Variants in ANKFY1 observed in about 807,000 individuals in gnomAD.
ANKFY1 encodes the protein ankyrin repeat and FYVE domain-containing protein 1.
A neutral mutation model predicts 128.3 loss-of-function variants in ANKFY1; 47 were observed. The ratio of observed to expected loss-of-function variants is 0.37; its 90% CI spans 0.29 to 0.47. The LOEUF (loss-of-function observed/expected upper bound fraction) is 0.47, where lower values mean the gene tolerates loss of function less well. ANKFY1 is among the 20% of genes least tolerant of loss of function. The pLI is 1.00. For missense variants in ANKFY1, 1,222 were observed against 1,510.6 expected (o/e 0.81, Z 3.17); for synonymous variants, 553 against 601.6 (o/e 0.92, Z 1.18).
chr17:4,239,706 T>C (rs554148973), intron 2 of ANKFY1, among the ~76,000 whole-genome samples: 32 of 152,068 alleles, frequency 2.1e-4, no homozygotes, highest in African/African-American at 7.2e-4. Flanking sequence ...ATGTGGCTAA[T>C]TTTTGTATTT....
At chr17:4,261,822 C>T (rs1389870613) in intron 1 of ANKFY1, among the ~76,000 whole-genome samples, 1 of 152,236 alleles carries the variant, frequency 6.6e-6, no homozygotes, top group Non-Finnish European at 1.5e-5. Context: ...CAGACTACCC[C>T]TTACCTCACA....
chr17:4,206,650 C>T (rs950325787), intron 6 of ANKFY1, among the ~76,000 whole-genome samples, 164 bp from the exon 7 acceptor site: 2 of 152,164 alleles, frequency 1.3e-5, no homozygotes, highest in African/African-American at 4.8e-5. Context: ...AAACTTCTAT[C>T]AGGCTTCCTC....
intron 10 of ANKFY1, among the ~76,000 whole-genome samples, chr17:4,193,264 T>C (rs1322328455): frequency 2.0e-5 from 3 of 152,158 alleles, no homozygotes; most frequent in African/African-American, 7.2e-5. Context: ...TTTGTTTGTT[T>C]GTTTTTTAAG....
At chr17:4,186,797 G>A (rs527510236) in intron 11 of ANKFY1, 6 of 988,178 alleles carry the variant, frequency 6.1e-6, no homozygotes, top group East Asian at 2.2e-4. Context: ...TCTACTCCAC[G>A]GCTTCTGCCA....
chr17:4,171,011 T>C, intron 22 of ANKFY1, 150 bp from the exon 23 acceptor site: 1 of 1,002,514 alleles, frequency 1.0e-6, no homozygotes, highest in Non-Finnish European at 1.5e-6. Flanking sequence ...GCCCCGAGGC[T>C]CTGGAGAGAA....
chr17:4,250,642 GTGTT>G, intron 1 of ANKFY1, among the ~76,000 whole-genome samples: 1 of 150,134 alleles, frequency 6.7e-6, no homozygotes, highest in African/African-American at 2.5e-5. Context: ...CCAGCAAACT[GTGTT>G]TGTAGAATTT....
At position 4,184,617 on chromosome 17, in the gene ANKFY1, C is replaced by G. The variant is rs1037805281; in HGVS notation, c.1699+201G>C. On this transcript the variant is annotated intron_variant, in intron 12 of 24. Transcript: ENST00000341657. ...TAACCTAACAAATGAAATGGGCAGGCCCCATCCTGAAAACACACACAGGGA... is the reference window on the plus strand; with the variant it reads ...TAACCTAACAAATGAAATGGGCAGGGCCCATCCTGAAAACACACACAGGGA... Among the ~76,000 whole-genome samples the G allele has an allele frequency of 2.0e-5, 3 of 152,206 alleles. No homozygotes were observed. In the South Asian group the frequency reaches 6.2e-4, roughly 32 times the overall value.
intron 4 of ANKFY1, among the ~76,000 whole-genome samples, chr17:4,212,476 C>G (rs1055520455): frequency 1.3e-5 from 2 of 152,218 alleles, no homozygotes; most frequent in African/African-American, 4.8e-5. Context: ...ACACTCAGCA[C>G]AGCTTGAGGT....
intron 3 of ANKFY1, chr17:4,223,899 G>A (rs938002757): frequency 4.9e-5 from 32 of 653,410 alleles, no homozygotes; most frequent in African/African-American, 7.3e-5. Flanking sequence ...CTAACACCAC[G>A]CCAACAGAAG....
intron 1 of ANKFY1, among the ~76,000 whole-genome samples, chr17:4,247,556 T>C (rs1341104287): frequency 1.3e-5 from 2 of 152,194 alleles, no homozygotes; most frequent in African/African-American, 2.4e-5. Flanking sequence ...GCTACTTCAA[T>C]TGCCATACCA....
intron 1 of ANKFY1, among the ~76,000 whole-genome samples, chr17:4,260,372 T>C (rs1001924845): frequency 1.3e-5 from 2 of 152,092 alleles, no homozygotes; most frequent in African/African-American, 4.8e-5. Flanking sequence ...ATCCCAGCAC[T>C]TCAGGAGGCC....
At chr17:4,172,446 C>A in intron 22 of ANKFY1, 110 bp downstream of exon 22, 1 of 1,453,946 alleles carries the variant, frequency 6.9e-7, no homozygotes, top group East Asian at 2.3e-5. Flanking sequence ...CCCAACAGAA[C>A]TGTTCTGCGA....
intron 3 of ANKFY1, among the ~76,000 whole-genome samples, chr17:4,229,588 A>G (rs1310793479): frequency 6.6e-6 from 1 of 152,262 alleles, no homozygotes; most frequent in Non-Finnish European, 1.5e-5. Context: ...CAAATCTGCA[A>G]TAAGCCAACA....
chr17:4,250,415 C>T (rs1967765384), intron 1 of ANKFY1, among the ~76,000 whole-genome samples: 1 of 152,084 alleles, frequency 6.6e-6, no homozygotes, highest in South Asian at 2.1e-4. Context: ...TAATAGTATA[C>T]CAAACATACA....
intron 1 of ANKFY1, among the ~76,000 whole-genome samples, chr17:4,262,547 C>G (rs1267295204): frequency 6.6e-6 from 1 of 152,102 alleles, no homozygotes; most frequent in Non-Finnish European, 1.5e-5. Flanking sequence ...CTAGCGCGAG[C>G]CACCACACGG....
At chr17:4,241,489 C>G (rs1285906930) in intron 2 of ANKFY1, among the ~76,000 whole-genome samples, 2 of 151,350 alleles carry the variant, frequency 1.3e-5, no homozygotes, top group Non-Finnish European at 2.9e-5. Context: ...ACCATGTTAG[C>G]CAGGATGATC....
intron 11 of ANKFY1, chr17:4,188,706 C>T (rs1428564616): frequency 1.3e-5 from 2 of 151,956 alleles, no homozygotes; most frequent in African/African-American, 4.8e-5. Context: ...AGATATTATG[C>T]TAATAAGCAT....
At chr17:4,212,028 A>G (rs1423672031) in intron 4 of ANKFY1, among the ~76,000 whole-genome samples, 1 of 152,222 alleles carries the variant, frequency 6.6e-6, no homozygotes, top group Non-Finnish European at 1.5e-5. Flanking sequence ...TGGCATTGGA[A>G]AGACCACACT....
At chr17:4,216,955 G>A (rs780629381) in intron 4 of ANKFY1, 28 bp downstream of exon 4, 14 of 1,613,520 alleles carry the variant, frequency 8.7e-6, no homozygotes, top group Admixed American at 6.7e-5. Context: ...ACCATCTGAG[G>A]TGCTTGAATA....
Sources: allele counts gnomAD v4.1 joint callset (sites outside exome capture counted in the v4.1 genomes callset), GRCh38; gene constraint gnomAD v4.1.1; transcripts MANE v1.5; gene names NCBI Gene and HGNC (gene_info 2026-07-23, HGNC 2026-07-21).